The following CCL14 variants were observed in gnomAD, a reference collection of about 807,000 sequenced individuals.
CCL14 encodes the protein C-C motif chemokine 14.
In CCL14, 8 loss-of-function variants were observed where a neutral mutation model predicts 8.2. The observed-to-expected ratio is 0.98, with a 90% CI of 0.57 to 1.76. The LOEUF is 1.76. CCL14 is among the 40% of genes most tolerant of loss of function. CCL14 has a pLI of 0.00. For synonymous variants in CCL14, 50 were observed against 43.2 expected (o/e 1.16, Z -0.62); for missense variants, 127 against 118.3 (o/e 1.07, Z -0.34).
At chr17:35,985,664 C>T (rs1231406098) in intron 1 of CCL14, 1 of 1,203,860 alleles carries the variant, frequency 8.3e-7, no homozygotes, top group Admixed American at 2.1e-5. Context: ...TCCTGAGACC[C>T]AGTCAGAGCT....
intron 2 of CCL14, 31 bp downstream of exon 2, chr17:35,984,307 C>T (rs370183552): frequency 2.6e-4 from 390 of 1,502,558 alleles, no homozygotes; most frequent in Middle Eastern, 1.5e-3. Flanking sequence ...GGCTCCCTCT[C>T]CCCCCAGTGT....
In CCL14 at chr17:35,986,642, A is replaced by T; in HGVS notation, c.8T>A (p.Ile3Asn). 1 of 1,613,796 alleles carries T rather than the reference A, an allele frequency of 6.2e-7. No individual in the cohort carries two copies. MKISVAAIPFFLL... is the reference protein window; with the variant it reads MKNSVAAIPFFLL... ...GAAGAAGGGAATGGCAGCCACGGAGATCTTCATGCTGTGGGAAGCTGTTGT... is the reference window on the plus strand; with the variant it reads ...GAAGAAGGGAATGGCAGCCACGGAGTTCTTCATGCTGTGGGAAGCTGTTGT... The change falls in exon 1 of 3, where the codon ATC becomes AAC. Residue 3 changes from isoleucine to asparagine, a missense_variant. Physicochemically the swap from Ile to Asn is moderately radical, Grantham distance 149. Transcript: ENST00000618404.
chr17:35,983,530 A>C lies in CCL14; in HGVS notation c.*271T>G. 2.2e-6 allele frequency: 1 copy of C among 450,638 alleles called. No homozygotes were observed. The highest frequency in any genetic ancestry group is 4.0e-6 in the Non-Finnish European group (1 of 252,506). 27.9% of individuals were successfully genotyped at this position (450,638 alleles called of 1,614,324 possible). On this transcript the variant is annotated 3_prime_UTR_variant, in exon 3 of 3. Coordinates refer to ENST00000618404, the MANE Select transcript of CCL14 (RefSeq NM_032963.4). ...TCTCACTACCTGCATTGCAGGCCTG[A>C]CCTATTTTTTGTACCAGGCTCCAGC...
Position 35,983,800 on chromosome 17 carries a change from C to T in CCL14, c.*1G>A, listed in dbSNP as rs1269893305. 2.5e-6 allele frequency: 4 copies of T among 1,610,648 alleles called. No homozygotes were observed. Among genetic ancestry groups the T allele is most frequent in the Non-Finnish European group, 3.4e-6 (4 of 1,176,948 alleles). On this transcript the variant is annotated 3_prime_UTR_variant, in exon 3 of 3. Transcript: ENST00000618404. Reference sequence around the variant, plus strand: ...TGCCTTCGCCACCCCTTCTGGGTCACTCAGTTCTCCTTCATGTCCTTGATA... The same window carrying T: ...TGCCTTCGCCACCCCTTCTGGGTCATTCAGTTCTCCTTCATGTCCTTGATA...
chr17:35,984,560 C>T (rs918607281), intron 1 of CCL14, 108 bp from the exon 2 acceptor site: 12 of 718,334 alleles, frequency 1.7e-5, no homozygotes, highest in Non-Finnish European at 3.0e-5. Flanking sequence ...GAGGAGACAG[C>T]CCCTCAGAAC....
Position 35,983,735 on chromosome 17 carries a change from G to A in CCL14, c.*66C>T. ...GGGCTGAGAGTTAGCGGTGGGTGGAGGAGGGGGCCTTGGCATCTTCTCTTT... is the reference window on the plus strand; with the variant it reads ...GGGCTGAGAGTTAGCGGTGGGTGGAAGAGGGGGCCTTGGCATCTTCTCTTT... On this transcript the variant is annotated 3_prime_UTR_variant, in exon 3 of 3. Transcript: ENST00000618404. The A allele has an allele frequency of 8.9e-7, 1 of 1,122,422 alleles. No individual in the cohort carries two copies. Among genetic ancestry groups the A allele is most frequent in the Non-Finnish European group, 1.4e-6 (1 of 731,990 alleles). The allele number at this position is 1,122,422 out of a possible 1,614,324, so 69.5% of individuals were successfully genotyped here. A position where few individuals can be genotyped will look rare whatever the true frequency, so the allele number is the denominator to read the frequency against.
At chr17:35,984,298 G>T in intron 2 of CCL14, 40 bp downstream of exon 2, 2 of 1,441,606 alleles carry the variant, frequency 1.4e-6, no homozygotes, top group Non-Finnish European at 2.0e-6. Flanking sequence ...GGCCCTGCTG[G>T]CTCCCTCTCC....
At chr17:35,984,769 G>A (rs954079012) in intron 1 of CCL14, 5 of 487,240 alleles carry the variant, frequency 1.0e-5, no homozygotes, top group Non-Finnish European at 1.4e-5. Context: ...TCTGGGGGCC[G>A]ACTGGCAGAG....
intron 2 of CCL14, 27 bp downstream of exon 2, chr17:35,984,311 C>G (rs372776364): frequency 3.9e-5 from 59 of 1,520,396 alleles, no homozygotes; most frequent in East Asian, 3.4e-4. Context: ...CCCTCTCCCC[C>G]CAGTGTGATG....
chr17:35,984,263 C>G (rs2089720208), intron 2 of CCL14, 75 bp downstream of exon 2: 2 of 1,116,644 alleles, frequency 1.8e-6, no homozygotes, highest in Non-Finnish European at 2.7e-6. Flanking sequence ...CCCATTCCAC[C>G]ACCACTCCCT....
intron 1 of CCL14, chr17:35,985,550 CT>C: frequency 1.7e-6 from 1 of 598,466 alleles, no homozygotes; most frequent in East Asian, 2.8e-5. Flanking sequence ...TCAGAGGTCA[CT>C]GAGGGTGGCC....
rs1372797876 is a variant in CCL14 at position 35,983,565 on chromosome 17, G to T, written c.*236C>A. The T allele has an allele frequency of 2.2e-6, 1 of 456,792 alleles. No homozygotes were observed. 28.3% of individuals were successfully genotyped at this position (456,792 alleles called of 1,614,324 possible). Reference sequence around the variant, plus strand: ...TGTACCAGGCTCCAGCAAAACTTCTGCAGAGCGAGGCTTGATGCCGAGGGT... The same window carrying T: ...TGTACCAGGCTCCAGCAAAACTTCTTCAGAGCGAGGCTTGATGCCGAGGGT... On this transcript the variant is annotated 3_prime_UTR_variant, in exon 3 of 3. Coordinates refer to ENST00000618404, the MANE Select transcript of CCL14 (RefSeq NM_032963.4).
intron 1 of CCL14, chr17:35,986,368 C>G (rs1461614956): frequency 3.4e-6 from 2 of 584,486 alleles, no homozygotes; most frequent in South Asian, 2.3e-5. Flanking sequence ...TCATCTCCAT[C>G]CTGCTCACCA....
intron 1 of CCL14, chr17:35,986,164 G>A (rs2089764450): frequency 2.7e-6 from 1 of 368,472 alleles, no homozygotes; most frequent in Non-Finnish European, 4.8e-6. Flanking sequence ...GAGGGCAAGG[G>A]GGGACTGGTC....
Position 35,985,988 on chromosome 17 carries a change from A to C in CCL14, c.79+583T>G, listed in dbSNP as rs534466982. Reference sequence around the variant, plus strand: ...GTGACGCTGGAAGCAGGCTGGGCCCAAACCTCAGGAGGCCAATAGAAAAAT... The same window carrying C: ...GTGACGCTGGAAGCAGGCTGGGCCCCAACCTCAGGAGGCCAATAGAAAAAT... On this transcript the variant is annotated intron_variant, in intron 1 of 2. Coordinates refer to ENST00000618404, the MANE Select transcript of CCL14 (RefSeq NM_032963.4). The C allele has an allele frequency of 6.9e-6, 4 of 577,120 alleles. No homozygotes were observed. The East Asian group carries it at 9.0e-5, about 13-fold the overall frequency. The allele number at this position is 577,120 out of a possible 1,614,324, so 35.7% of individuals were successfully genotyped here.
chr17:35,984,587 G>C (rs111856180), intron 1 of CCL14, 135 bp from the exon 2 acceptor site: 2 of 647,102 alleles, frequency 3.1e-6, no homozygotes, highest in Non-Finnish European at 5.6e-6. Context: ...GGGAGAGTAG[G>C]CTTTCCTCAT....
At chr17:35,985,577 A>C in intron 1 of CCL14, 1 of 616,056 alleles carries the variant, frequency 1.6e-6, no homozygotes, top group South Asian at 2.0e-5. Flanking sequence ...TCTGGGTGGA[A>C]GGGTCTCATC....
chr17:35,986,384 T>G, intron 1 of CCL14, 187 bp downstream of exon 1: 1 of 594,064 alleles, frequency 1.7e-6, no homozygotes. Flanking sequence ...CACCACACCA[T>G]GGGGTGAAGT....
rs1214825381 is a variant in CCL14 at position 35,983,796 on chromosome 17, G to A, written c.*5C>T. On this transcript the variant is annotated 3_prime_UTR_variant, in exon 3 of 3. Transcript: ENST00000618404. The stretch of plus-strand genomic sequence containing the variant: ...GCTGTGCCTTCGCCACCCCTTCTGG[G>A]TCACTCAGTTCTCCTTCATGTCCTT... 3.1e-6 allele frequency: 5 copies of A among 1,607,682 alleles called. No homozygotes were observed. In the Admixed American group the frequency reaches 5.0e-5, roughly 16 times the overall value.
Sources: gnomAD v4.1 joint callset for allele counts on GRCh38, gnomAD v4.1.1 for gene constraint, MANE v1.5 for transcripts, NCBI Gene and HGNC (gene_info 2026-07-23, HGNC 2026-07-21) for gene names.